Variants in FGGY observed in about 807,000 individuals in gnomAD.
FGGY encodes FGGY carbohydrate kinase domain-containing protein.
Under a neutral mutation model 71.3 loss-of-function variants are expected in FGGY, and 72 were observed. That is an observed-to-expected ratio of 1.01 (90% confidence interval 0.84 to 1.23). The LOEUF is 1.23. FGGY is among the 50% of genes most tolerant of loss of function. FGGY has a pLI of 0.00. For missense variants in FGGY, 668 were observed against 682.3 expected (o/e 0.98, Z 0.23); for synonymous variants, 251 against 250.3 (o/e 1.00, Z -0.02).
intron 14 of FGGY, among the ~76,000 whole-genome samples, chr1:59,705,687 T>C (rs1028234420): frequency 2.0e-5 from 3 of 152,210 alleles, no homozygotes; most frequent in African/African-American, 4.8e-5. Context: ...GAGACATAAC[T>C]TTGCTTCTCT....
At chr1:59,454,670 C>G (rs2091510642) in intron 5 of FGGY, among the ~76,000 whole-genome samples, 2 of 152,198 alleles carry the variant, frequency 1.3e-5, no homozygotes, top group Non-Finnish European at 2.9e-5. Context: ...ATGTCAGGTT[C>G]TTCTGCTAAA....
chr1:59,457,037 G>C lies in FGGY; in HGVS notation c.631G>C (p.Gly211Arg), dbSNP rs1423361582. 1 of 1,614,048 alleles carries C rather than the reference G, an allele frequency of 6.2e-7. No homozygotes were observed. The highest frequency in any genetic ancestry group is 1.7e-5 in the Admixed American group (1 of 60,030). Residue 211 changes from glycine to arginine, a missense_variant, in exon 6 of 16, where the codon GGT becomes CGT. Coordinates refer to ENST00000303721, the MANE Select transcript of FGGY (RefSeq NM_018291.5). ...GWDDSFWKMI[G>R]LEDFVADNYS... ...GGACGACAGTTTCTGGAAAATGATT[G>C]GTTTGGAAGACTTTGTTGCAGATAA...
At chr1:59,327,576 A>G (rs541878251) in intron 2 of FGGY, among the ~76,000 whole-genome samples, 2 of 152,202 alleles carry the variant, frequency 1.3e-5, no homozygotes, top group Non-Finnish European at 2.9e-5. Context: ...ATTCCTGTTA[A>G]TGTTGATATT....
At chr1:59,651,171 C>G (rs375402875) in intron 11 of FGGY, among the ~76,000 whole-genome samples, 30 of 151,844 alleles carry the variant, frequency 2.0e-4, no homozygotes, top group African/African-American at 6.8e-4. Flanking sequence ...TTACTTCCAA[C>G]TATGTGGTCA....
chr1:59,701,290 C>T (rs1014789309), intron 14 of FGGY, among the ~76,000 whole-genome samples: 6 of 152,168 alleles, frequency 3.9e-5, no homozygotes, highest in South Asian at 4.1e-4. Context: ...CTCCACAGCA[C>T]GGAACAGACC....
At chr1:59,551,385 T>C (rs749571005) in intron 7 of FGGY, among the ~76,000 whole-genome samples, 1 of 152,210 alleles carries the variant, frequency 6.6e-6, no homozygotes, top group African/African-American at 2.4e-5. Context: ...AATTCCCTTT[T>C]CGTATTGACT....
intron 14 of FGGY, among the ~76,000 whole-genome samples, chr1:59,723,768 G>T (rs1252139562): frequency 2.6e-5 from 4 of 152,094 alleles, no homozygotes; most frequent in Admixed American, 6.5e-5. Context: ...CGTACATTAA[G>T]GTTTACTTTT....
At chr1:59,630,673 A>C (rs2096900210) in intron 10 of FGGY, among the ~76,000 whole-genome samples, 1 of 152,238 alleles carries the variant, frequency 6.6e-6, no homozygotes, top group Admixed American at 6.5e-5. Context: ...TCTTCTATAG[A>C]TAAACTTCAT....
At chr1:59,651,785 T>A (rs1218349991) in intron 11 of FGGY, among the ~76,000 whole-genome samples, 1 of 151,024 alleles carries the variant, frequency 6.6e-6, no homozygotes, top group Non-Finnish European at 1.5e-5. Flanking sequence ...GTGAATTTGA[T>A]CCTGTCATTA....
intron 5 of FGGY, among the ~76,000 whole-genome samples, chr1:59,450,620 T>G (rs1237414244): frequency 6.6e-6 from 1 of 152,144 alleles, no homozygotes; most frequent in African/African-American, 2.4e-5. Flanking sequence ...TTTACATGTC[T>G]CTTCACATTC....
At chr1:59,408,567 A>G (rs185860518) in intron 5 of FGGY, among the ~76,000 whole-genome samples, 2 of 152,330 alleles carry the variant, frequency 1.3e-5, no homozygotes, top group East Asian at 1.9e-4. Flanking sequence ...ATGTATATGT[A>G]TAAATATTCT....
chr1:59,435,745 C>CGTGTGT (rs10563712), intron 5 of FGGY, among the ~76,000 whole-genome samples: 253 of 142,346 alleles, frequency 1.8e-3, no homozygotes, highest in Middle Eastern at 7.0e-3. Flanking sequence ...TGTGTGCCTG[C>CGTGTGT]GTGTGTGTGT....
At chr1:59,754,982 A>G (rs1468894287) in intron 14 of FGGY, 1 of 152,208 alleles carries the variant, frequency 6.6e-6, no homozygotes, top group Non-Finnish European at 1.5e-5. Context: ...CCTCAGGGAC[A>G]TGCAGCAGAT....
At chr1:59,519,670 T>C (rs1401072312) in intron 7 of FGGY, among the ~76,000 whole-genome samples, 2 of 152,210 alleles carry the variant, frequency 1.3e-5, no homozygotes, top group Non-Finnish European at 2.9e-5. Context: ...CTGGTACTAC[T>C]ATGATGACCA....
intron 7 of FGGY, among the ~76,000 whole-genome samples, chr1:59,535,882 A>G (rs1254435374): frequency 6.8e-6 from 1 of 147,796 alleles, no homozygotes; most frequent in Non-Finnish European, 1.5e-5. Context: ...AGAAAGCAGG[A>G]AAGATCCAAA....
chr1:59,601,102 G>A (rs2096573273), intron 8 of FGGY, among the ~76,000 whole-genome samples: 1 of 151,252 alleles, frequency 6.6e-6, no homozygotes, highest in Non-Finnish European at 1.5e-5. Context: ...GAGCCACCAT[G>A]GAAATACCCG....
At chr1:59,477,968 G>A (rs2093333809) in intron 6 of FGGY, among the ~76,000 whole-genome samples, 2 of 152,176 alleles carry the variant, frequency 1.3e-5, no homozygotes, top group African/African-American at 4.8e-5. Flanking sequence ...GCACTTTGGA[G>A]TAATGGAAAT....
intron 14 of FGGY, among the ~76,000 whole-genome samples, chr1:59,719,226 T>A (rs906367113): frequency 6.6e-6 from 1 of 152,210 alleles, no homozygotes; most frequent in Admixed American, 6.5e-5. Context: ...TTCACCCTAA[T>A]TGAGTCTTTC....
intron 14 of FGGY, among the ~76,000 whole-genome samples, chr1:59,720,135 A>G (rs1459138358): frequency 2.0e-5 from 3 of 152,202 alleles, no homozygotes. Flanking sequence ...GGATTTCATC[A>G]TCATTCAGGA....
Sources: allele counts gnomAD v4.1 joint callset (sites outside exome capture counted in the v4.1 genomes callset), GRCh38; gene constraint gnomAD v4.1.1; transcripts MANE v1.5; gene names NCBI Gene and HGNC (gene_info 2026-07-23, HGNC 2026-07-21).